Variants in CD96 observed in about 807,000 individuals in gnomAD.
The protein encoded by CD96 is T-cell surface protein tactile.
CD96 carries 70 observed loss-of-function variants against 71.3 expected under a neutral mutation model. The ratio of observed to expected loss-of-function variants is 0.98; its 90% CI spans 0.81 to 1.20. The LOEUF is 1.20. Among genes scored for constraint, CD96 ranks in the 50% most tolerant of loss-of-function variants. The probability of loss-of-function intolerance (pLI) is 0.00; values close to 1 mark genes in which losing one functional copy is unlikely to be tolerated. For missense variants in CD96, 742 were observed against 677.5 expected (o/e 1.10, Z -1.06); for synonymous variants, 248 against 233.0 (o/e 1.06, Z -0.59).
chr3:111,630,275 T>G (rs550642357), intron 10 of CD96, among the ~76,000 whole-genome samples: 1 of 151,912 alleles, frequency 6.6e-6, no homozygotes, highest in Non-Finnish European at 1.5e-5. Flanking sequence ...GCTAGACTAA[T>G]AAGAAGAAAA....
chr3:111,590,008 T>A (rs755635263), intron 5 of CD96, among the ~76,000 whole-genome samples: 1 of 152,238 alleles, frequency 6.6e-6, no homozygotes, highest in Non-Finnish European at 1.5e-5. Flanking sequence ...GCACATAGTA[T>A]ACATTTCAGG....
chr3:111,635,490 A>G (rs1456724252), intron 10 of CD96, among the ~76,000 whole-genome samples: 1 of 152,192 alleles, frequency 6.6e-6, no homozygotes, highest in Admixed American at 6.5e-5. Flanking sequence ...AAAATGGCAT[A>G]ATTTTAAGTG....
rs1940045699 is a variant in CD96 at position 111,650,878 on chromosome 3, T to C, written c.*1072T>C. On this transcript the variant is annotated 3_prime_UTR_variant, in exon 14 of 14. Transcript: ENST00000352690. ...CTAATCCTCCTTGTCGCTTGAAACC[T>C]TCCCACACTCCCTGCTCCAGGAGGG... is the stretch of plus-strand genomic sequence containing the variant. The C allele has an allele frequency of 6.6e-6, 1 of 152,214 alleles. No individual in the cohort carries two copies. Among genetic ancestry groups the C allele is most frequent in the Non-Finnish European group, 1.5e-5 (1 of 68,034 alleles). The allele number at this position is 152,214 out of a possible 1,614,324, so 9.4% of individuals were successfully genotyped here.
At chr3:111,634,602 A>C (rs1939234639) in intron 10 of CD96, 1 of 152,208 alleles carries the variant, frequency 6.6e-6, no homozygotes, top group South Asian at 2.1e-4. Flanking sequence ...TCAGTCAATT[A>C]AAAGACAATA....
intron 8 of CD96, among the ~76,000 whole-genome samples, chr3:111,619,731 TA>T (rs142990513): frequency 0.025 from 3,827 of 152,270 alleles, 184 homozygotes; most frequent in African/African-American, 0.088. Flanking sequence ...GGAATGCAAA[TA>T]AAATTTTTTA....
chr3:111,628,556 G>T (rs1191967236), intron 10 of CD96, among the ~76,000 whole-genome samples: 1 of 152,146 alleles, frequency 6.6e-6, no homozygotes, highest in Non-Finnish European at 1.5e-5. Flanking sequence ...ACTGATTGGG[G>T]TACCTGAAAG....
At position 111,651,416 on chromosome 3, in the gene CD96, G is replaced by A. The variant is rs1274001507; in HGVS notation, c.*1610G>A. On this transcript the variant is annotated 3_prime_UTR_variant, in exon 14 of 14. Transcript: ENST00000352690. ...ACTCAGGGTCATGCACTTGCACAATGTTGAGAATGAGTACCACTCTCACCA... is the reference window on the plus strand; with the variant it reads ...ACTCAGGGTCATGCACTTGCACAATATTGAGAATGAGTACCACTCTCACCA... 1 of 152,208 alleles carries A rather than the reference G, an allele frequency of 6.6e-6. No homozygotes were observed. The highest frequency in any genetic ancestry group is 2.4e-5 in the African/African-American group (1 of 41,438). The allele number at this position is 152,208 out of a possible 1,614,324, so 9.4% of individuals were successfully genotyped here.
chr3:111,635,217 T>G (rs1300055470), intron 10 of CD96: 2 of 152,720 alleles, frequency 1.3e-5, no homozygotes, highest in Non-Finnish European at 2.9e-5. Context: ...AAAGTTTACC[T>G]TTATGTATTT....
At position 111,585,341 on chromosome 3, in the gene CD96, T is replaced by C. The variant is rs772946151; in HGVS notation, c.770T>C (p.Val257Ala). Reference protein sequence around the residue: ...VKVFAKPEIPVIVENNSTDVL... With the variant: ...VKVFAKPEIPAIVENNSTDVL... ...CTTTAAGCTAAACCAGAAATCCCTG[T>C]GATTGTGGAAAATAACTCCACGGAT... Residue 257 changes from valine (V) to alanine (A), a missense_variant, in exon 5 of 14, where the codon GTG becomes GCG. Coordinates refer to ENST00000352690, the MANE Select transcript of CD96 (RefSeq NM_005816.5). 1 of 1,611,320 alleles carries C rather than the reference T, an allele frequency of 6.2e-7. No homozygotes were observed. The highest frequency in any genetic ancestry group is 2.2e-5 in the East Asian group (1 of 44,840).
intron 5 of CD96, among the ~76,000 whole-genome samples, chr3:111,589,659 C>T (rs1467272023): frequency 6.6e-6 from 1 of 152,118 alleles, no homozygotes; most frequent in Non-Finnish European, 1.5e-5. Flanking sequence ...CCCAGTGAGC[C>T]TCTGAAATAG....
chr3:111,654,587 G>T (rs1940184366), downstream of CD96, among the ~76,000 whole-genome samples: 1 of 152,156 alleles, frequency 6.6e-6, no homozygotes. Flanking sequence ...TGCACACTCA[G>T]GTTCCTCATA....
At chr3:111,655,333 A>G (rs1940203123), downstream of CD96, among the ~76,000 whole-genome samples, 2 of 152,204 alleles carry the variant, frequency 1.3e-5, no homozygotes, top group South Asian at 4.1e-4. Flanking sequence ...CATGAAATTG[A>G]TATTAAAAAA....
At chr3:111,549,421 G>A (rs1033652707) in intron 2 of CD96, among the ~76,000 whole-genome samples, 1 of 152,152 alleles carries the variant, frequency 6.6e-6, no homozygotes, top group Admixed American at 6.6e-5. Flanking sequence ...TATCCTAAGA[G>A]CTGTGGGAAC....
chr3:111,663,631 A>AT (rs778267377), intron 14 of CD96, among the ~76,000 whole-genome samples: 2 of 152,318 alleles, frequency 1.3e-5, no homozygotes, highest in South Asian at 2.1e-4. Flanking sequence ...ATCACTAATC[A>AT]TTAGAGAAAC....
At chr3:111,612,829 T>C in intron 8 of CD96, 1 of 974,564 alleles carries the variant, frequency 1.0e-6, no homozygotes, top group Non-Finnish European at 1.2e-6. Flanking sequence ...TTCAGACCAG[T>C]GTTTTCCTGA....
chr3:111,560,316 C>T (rs1935320246), intron 2 of CD96, among the ~76,000 whole-genome samples: 1 of 151,940 alleles, frequency 6.6e-6, no homozygotes, highest in South Asian at 2.1e-4. Context: ...ATGGTCTTTA[C>T]ATTTTGGCAT....
At chr3:111,598,823 A>G (rs1240482619) in intron 6 of CD96, among the ~76,000 whole-genome samples, 4 of 152,202 alleles carry the variant, frequency 2.6e-5, no homozygotes, top group Admixed American at 6.5e-5. Flanking sequence ...GATAGTAACC[A>G]TGACAGCCTC....
chr3:111,595,326 C>T (rs562637207), intron 5 of CD96: 1 of 152,266 alleles, frequency 6.6e-6, no homozygotes, highest in Middle Eastern at 3.4e-3. Flanking sequence ...GGACTTCTCT[C>T]TGATCTTTCC....
chr3:111,657,813 C>T (rs894169059), intron 14 of CD96, among the ~76,000 whole-genome samples: 1 of 152,016 alleles, frequency 6.6e-6, no homozygotes, highest in African/African-American at 2.4e-5. Context: ...TGTGTATGCG[C>T]ATGAAGGTTA....
Sources: gnomAD v4.1 joint callset for allele counts (sites outside exome capture counted in the v4.1 genomes callset) on GRCh38, gnomAD v4.1.1 for gene constraint, MANE v1.5 for transcripts, NCBI Gene and HGNC (gene_info 2026-07-23, HGNC 2026-07-21) for gene names.